SAMSN1: variants seen among roughly 807,000 people sequenced by gnomAD.
SAMSN1 encodes SAM domain, SH3 domain and nuclear localization signals 1.
In SAMSN1, 31 loss-of-function variants were observed where a neutral mutation model predicts 42.0. The ratio of observed to expected loss-of-function variants is 0.74; its 90% CI spans 0.55 to 1.00. The LOEUF (loss-of-function observed/expected upper bound fraction) is 1.00. SAMSN1 is among the 50% of genes least tolerant of loss of function. SAMSN1 has a pLI of 0.00. For missense variants in SAMSN1, 464 were observed against 439.4 expected (o/e 1.06, Z -0.50); for synonymous variants, 178 against 151.9 (o/e 1.17, Z -1.26).
At chr21:14,637,424 C>A (rs1460726074) in intron 2 of SAMSN1, among the ~76,000 whole-genome samples, 5 of 152,156 alleles carry the variant, frequency 3.3e-5, no homozygotes, top group Non-Finnish European at 7.4e-5. Flanking sequence ...TTTAACCTGT[C>A]TCTCTTTTTA....
At chr21:14,549,948 T>G (rs1206253822), upstream of SAMSN1, among the ~76,000 whole-genome samples, 1 of 151,918 alleles carries the variant, frequency 6.6e-6, no homozygotes, top group Non-Finnish European at 1.5e-5. Context: ...AACTCTTTCT[T>G]TCTCAGTGTT....
At chr21:14,565,572 T>C (rs1376834810) in intron 2 of SAMSN1, among the ~76,000 whole-genome samples, 3 of 152,128 alleles carry the variant, frequency 2.0e-5, no homozygotes, top group Non-Finnish European at 4.4e-5. Context: ...CCTCCATCTA[T>C]ATACCAAGCA....
chr21:14,544,327 A>G (rs1213682206), intron 1 of SAMSN1, among the ~76,000 whole-genome samples: 3 of 152,250 alleles, frequency 2.0e-5, no homozygotes, highest in African/African-American at 4.8e-5. Context: ...CTGGAACTAC[A>G]GGTGTGAGCC....
intron 1 of SAMSN1, among the ~76,000 whole-genome samples, chr21:14,538,332 GGAGA>G (rs1979770563): frequency 6.6e-6 from 1 of 152,136 alleles, no homozygotes; most frequent in Non-Finnish European, 1.5e-5. Flanking sequence ...GAGAGTAGGA[GGAGA>G]GAGACACAGG....
intron 7 of SAMSN1, among the ~76,000 whole-genome samples, chr21:14,494,169 A>G (rs1348815333): frequency 6.6e-6 from 1 of 152,236 alleles, no homozygotes; most frequent in African/African-American, 2.4e-5. Flanking sequence ...TCACAGATCT[A>G]GAACCAGAAA....
intron 3 of SAMSN1, chr21:14,612,928 G>T: frequency 1.4e-6 from 1 of 691,344 alleles, no homozygotes; most frequent in Non-Finnish European, 2.7e-6. Flanking sequence ...AAGAATAAAA[G>T]AAAAAGATAT....
chr21:14,514,901 G>A (rs1987836104), intron 3 of SAMSN1, among the ~76,000 whole-genome samples: 1 of 152,108 alleles, frequency 6.6e-6, no homozygotes, highest in African/African-American at 2.4e-5. Flanking sequence ...AGATATAGTT[G>A]TGAAAAACAA....
chr21:14,601,477 T>C (rs185280193), intron 6 of SAMSN1, among the ~76,000 whole-genome samples: 184 of 152,326 alleles, frequency 1.2e-3, no homozygotes, highest in African/African-American at 4.2e-3. Context: ...GAGAACCTCA[T>C]GGCTGTCAGA....
chr21:14,639,986 T>C (rs1432101289), intron 2 of SAMSN1, among the ~76,000 whole-genome samples: 4 of 152,240 alleles, frequency 2.6e-5, no homozygotes, highest in Non-Finnish European at 4.4e-5. Flanking sequence ...TTTACGATGA[T>C]GTATGATATT....
At chr21:14,539,095 C>T (rs1003527080) in intron 1 of SAMSN1, among the ~76,000 whole-genome samples, 3 of 152,120 alleles carry the variant, frequency 2.0e-5, no homozygotes, top group Non-Finnish European at 4.4e-5. Flanking sequence ...CCAAGTTCTA[C>T]CTTTAGGTAA....
At chr21:14,656,201 A>G (rs1983913508) in intron 1 of SAMSN1, among the ~76,000 whole-genome samples, 1 of 151,876 alleles carries the variant, frequency 6.6e-6, no homozygotes, top group South Asian at 2.1e-4. Flanking sequence ...ATATAATTTG[A>G]CAATATGAAC....
chr21:14,642,420 G>T (rs767989610), intron 2 of SAMSN1, among the ~76,000 whole-genome samples: 5 of 152,176 alleles, frequency 3.3e-5, no homozygotes, highest in Admixed American at 2.0e-4. Flanking sequence ...TTATTACAGT[G>T]GTTAGAGCAT....
chr21:14,630,527 T>A (rs931709109), intron 2 of SAMSN1, among the ~76,000 whole-genome samples: 14 of 152,162 alleles, frequency 9.2e-5, no homozygotes, highest in African/African-American at 3.1e-4. Context: ...TATTTTAACA[T>A]AAGTCTCTAT....
chr21:14,570,434 T>C (rs1362466011), intron 2 of SAMSN1, among the ~76,000 whole-genome samples: 1 of 152,190 alleles, frequency 6.6e-6, no homozygotes, highest in Admixed American at 6.5e-5. Flanking sequence ...TCCTTATCCA[T>C]TGGTAGTAAT....
chr21:14,624,436 A>G (rs1298303625), intron 2 of SAMSN1, among the ~76,000 whole-genome samples: 1 of 152,228 alleles, frequency 6.6e-6, no homozygotes, highest in Non-Finnish European at 1.5e-5. Flanking sequence ...AAGAAATGAT[A>G]AAGGGGATAT....
intron 2 of SAMSN1, among the ~76,000 whole-genome samples, chr21:14,559,833 G>C (rs1290426174): frequency 6.6e-6 from 1 of 152,110 alleles, no homozygotes; most frequent in Admixed American, 6.6e-5. Context: ...GGCAGACAGA[G>C]ATAAGAATGA....
chr21:14,626,580 C>T (rs1033451085), intron 2 of SAMSN1, among the ~76,000 whole-genome samples: 24 of 152,292 alleles, frequency 1.6e-4, no homozygotes, highest in Middle Eastern at 3.4e-3. Context: ...CAATGAGATA[C>T]CATCTCACAC....
chr21:14,557,165 G>A (rs1175936819), intron 2 of SAMSN1, among the ~76,000 whole-genome samples: 1 of 152,148 alleles, frequency 6.6e-6, no homozygotes, highest in African/African-American at 2.4e-5. Context: ...GAGAACCTGT[G>A]GTGTGAAGAG....
In SAMSN1 at chr21:14,624,316, CA is replaced by C. The variant is rs562785599; in HGVS notation, c.157-8301del. On this transcript the variant is annotated intron_variant, in intron 2 of 15. Coordinates refer to the SAMSN1 transcript ENST00000647101. The stretch of plus-strand genomic sequence containing the variant: ...GGAGATAGAGACACAAAAAACCCTT[CA>C]AAAAATCAATGAATGCAGGAGCTGT... 4.6e-5 allele frequency among the ~76,000 whole-genome samples: 7 copies of C among 151,846 alleles called. No homozygotes were observed. The South Asian group carries it at 1.5e-3, about 32-fold the overall frequency.
Sources: gnomAD v4.1 joint callset for allele counts (sites outside exome capture counted in the v4.1 genomes callset) on GRCh38, gnomAD v4.1.1 for gene constraint, MANE v1.5 for transcripts, NCBI Gene and HGNC (gene_info 2026-07-23, HGNC 2026-07-21) for gene names.